STK32B: variants seen among roughly 807,000 people sequenced by gnomAD.
The protein encoded by STK32B is serine/threonine kinase 32B.
STK32B carries 43 observed loss-of-function variants against 52.6 expected under a neutral mutation model. The observed-to-expected ratio is 0.82, with a 90% CI of 0.64 to 1.05. The LOEUF is 1.05. Ranked by LOEUF, STK32B falls within the 50% of genes least tolerant of loss-of-function variation. The probability of loss-of-function intolerance (pLI) is 0.00; values close to 1 mark genes in which losing one functional copy is unlikely to be tolerated. For missense variants in STK32B, 621 were observed against 534.6 expected, an observed-to-expected ratio of 1.16 and a Z score of -1.59; for synonymous variants, 238 against 204.3, an observed-to-expected ratio of 1.17 and a Z score of -1.41.
At position 5,051,796 on chromosome 4, in the gene STK32B, G is replaced by GCGCGTCC; in HGVS notation, c.-66_-60dup. 3 of 1,550,040 alleles carry GCGCGTCC rather than the reference G, an allele frequency of 1.9e-6. No homozygotes were observed. Among genetic ancestry groups the GCGCGTCC allele is most frequent in the East Asian group, 2.5e-5 (1 of 40,606 alleles). ...CGCCCCCGGCATCCCGCATCTCTGC[G>GCGCGTCC]CGCGTCCCACATCCCGCATCCGGCA... is the stretch of plus-strand genomic sequence containing the variant. On this transcript the variant is annotated 5_prime_UTR_variant, in exon 1 of 12. Coordinates refer to ENST00000282908, the MANE Select transcript of STK32B (RefSeq NM_018401.3).
upstream of STK32B, among the ~76,000 whole-genome samples, chr4:5,047,992 G>C (rs1164542991): frequency 6.6e-6 from 1 of 152,172 alleles, no homozygotes; most frequent in African/African-American, 2.4e-5. Context: ...TGAAGATGGT[G>C]GTAGAGACCA....
At chr4:5,047,882 A>T (rs1741648958), upstream of STK32B, among the ~76,000 whole-genome samples, 1 of 152,188 alleles carries the variant, frequency 6.6e-6, no homozygotes, top group South Asian at 2.1e-4. Flanking sequence ...AGATCTTGAG[A>T]AGAGATCATG....
At chr4:5,450,585 G>T (rs1297447265) in intron 7 of STK32B, among the ~76,000 whole-genome samples, 1 of 152,194 alleles carries the variant, frequency 6.6e-6, no homozygotes, top group East Asian at 1.9e-4. Flanking sequence ...AATCTCACAG[G>T]TTCAAACCCT....
At chr4:5,120,461 T>G (rs142501393) in intron 1 of STK32B, among the ~76,000 whole-genome samples, 2 of 152,364 alleles carry the variant, frequency 1.3e-5, no homozygotes, top group Non-Finnish European at 2.9e-5. Flanking sequence ...AATTTTTCCA[T>G]ATTTAGTTAT....
At chr4:5,037,254 T>C in the STK32B span, among the ~76,000 whole-genome samples, 9 of 152,310 alleles carry the variant, frequency 5.9e-5, no homozygotes, top group South Asian at 1.7e-3. Flanking sequence ...GGGTGGGGGA[T>C]CACCCCTGTT....
intron 1 of STK32B, among the ~76,000 whole-genome samples, chr4:5,125,187 G>A (rs1577084711): frequency 1.3e-5 from 2 of 148,642 alleles, no homozygotes; most frequent in African/African-American, 4.9e-5. Context: ...TGTCCAACAA[G>A]AGCAGCTTGG....
At chr4:5,027,149 C>T in the STK32B span, among the ~76,000 whole-genome samples, 1 of 152,168 alleles carries the variant, frequency 6.6e-6, no homozygotes, top group East Asian at 1.9e-4. Context: ...CACATCTTCC[C>T]CTGTTTATGT....
At chr4:5,361,358 T>G (rs1401728865) in intron 4 of STK32B, among the ~76,000 whole-genome samples, 1 of 152,224 alleles carries the variant, frequency 6.6e-6, no homozygotes, top group Non-Finnish European at 1.5e-5. Context: ...CTGGATCATA[T>G]AGTAATTCTA....
chr4:5,486,955 G>A (rs1027593464), intron 11 of STK32B, among the ~76,000 whole-genome samples: 1 of 152,216 alleles, frequency 6.6e-6, no homozygotes, highest in African/African-American at 2.4e-5. Context: ...AGTAATAGCA[G>A]TGGGCAAAAC....
At chr4:5,462,517 C>T (rs914599730) in intron 9 of STK32B, among the ~76,000 whole-genome samples, 1 of 152,118 alleles carries the variant, frequency 6.6e-6, no homozygotes, top group African/African-American at 2.4e-5. Context: ...CCCTATTCCG[C>T]TGGCCAATGA....
At chr4:5,476,827 A>C (rs1452272749) in intron 11 of STK32B, among the ~76,000 whole-genome samples, 1 of 151,240 alleles carries the variant, frequency 6.6e-6, no homozygotes, top group Non-Finnish European at 1.5e-5. Flanking sequence ...CACTAAATCC[A>C]ATGGCACATA....
intron 3 of STK32B, among the ~76,000 whole-genome samples, chr4:5,308,443 C>G (rs763334929): frequency 6.6e-6 from 1 of 151,812 alleles, no homozygotes; most frequent in Non-Finnish European, 1.5e-5. Flanking sequence ...TACACTCTTC[C>G]GATGCCTCAG....
At chr4:5,490,902 CTCA>C (rs1282667878) in intron 11 of STK32B, among the ~76,000 whole-genome samples, 1 of 152,172 alleles carries the variant, frequency 6.6e-6, no homozygotes, top group Non-Finnish European at 1.5e-5. Flanking sequence ...AGGACATGAA[CTCA>C]TCATTTTTTA....
intron 4 of STK32B, among the ~76,000 whole-genome samples, chr4:5,357,544 G>A (rs1332904436): frequency 1.3e-5 from 2 of 150,062 alleles, no homozygotes; most frequent in East Asian, 4.0e-4. Flanking sequence ...GGAAGGGGAT[G>A]TTTCCTAAGA....
At chr4:5,429,363 C>T (rs1250499365) in intron 6 of STK32B, among the ~76,000 whole-genome samples, 1 of 151,830 alleles carries the variant, frequency 6.6e-6, no homozygotes, top group Non-Finnish European at 1.5e-5. Flanking sequence ...GTCTTTGTTC[C>T]TCTTTTTCTT....
intron 4 of STK32B, among the ~76,000 whole-genome samples, chr4:5,357,405 A>G (rs1051448048): frequency 6.6e-6 from 1 of 151,778 alleles, no homozygotes; most frequent in African/African-American, 2.4e-5. Context: ...GTGTGTGATG[A>G]CAACTACAGT....
At chr4:5,281,751 C>A (rs999973204) in intron 3 of STK32B, among the ~76,000 whole-genome samples, 3 of 152,126 alleles carry the variant, frequency 2.0e-5, no homozygotes, top group African/African-American at 7.2e-5. Context: ...GTGCAAAACT[C>A]AAATTAGTGT....
rs552609028 is a variant in STK32B at position 5,367,174 on chromosome 4, G to C, written c.435-31033G>C. Among the ~76,000 whole-genome samples, 3 of 152,166 alleles carry C rather than the reference G, an allele frequency of 2.0e-5. No individual in the cohort carries two copies. In the South Asian group the frequency reaches 6.2e-4, roughly 32 times the overall value. On this transcript the variant is annotated intron_variant, in intron 4 of 11. Coordinates refer to ENST00000282908, the MANE Select transcript of STK32B (RefSeq NM_018401.3). ...AAGCTAAAATAGAAATGTAACACAC[G>C]GGCCTTTCGTAAGACATTGAAGTTG...
chr4:5,310,569 C>T (rs1379947935), intron 3 of STK32B, among the ~76,000 whole-genome samples: 2 of 152,048 alleles, frequency 1.3e-5, no homozygotes, highest in African/African-American at 2.4e-5. Context: ...GAAAAGGGAA[C>T]TCTAGCACAC....
Sources: gnomAD v4.1 joint callset for allele counts (sites outside exome capture counted in the v4.1 genomes callset) on GRCh38, gnomAD v4.1.1 for gene constraint, MANE v1.5 for transcripts, NCBI Gene and HGNC (gene_info 2026-07-23, HGNC 2026-07-21) for gene names.